The following SNTG1 variants were observed in gnomAD, a reference collection of about 807,000 sequenced individuals.
SNTG1 encodes the protein syntrophin gamma 1, also known as gamma-1-syntrophin.
SNTG1 carries 39 observed loss-of-function variants against 74.7 expected under a neutral mutation model. The ratio of observed to expected loss-of-function variants is 0.52; its 90% confidence interval spans 0.40 to 0.68. The LOEUF (loss-of-function observed/expected upper bound fraction) is 0.68. Among genes scored for constraint, SNTG1 ranks in the 30% least tolerant of loss-of-function variants. The pLI is 0.00. For missense variants in SNTG1, 685 were observed against 609.5 expected (o/e 1.12, Z -1.30); for synonymous variants, 254 against 217.1 (o/e 1.17, Z -1.49).
At chr8:50,133,318 G>A (rs1172299822) in intron 1 of SNTG1, among the ~76,000 whole-genome samples, 1 of 152,034 alleles carries the variant, frequency 6.6e-6, no homozygotes, top group African/African-American at 2.4e-5. Context: ...CACTGTTAAT[G>A]TCCATATTTC....
At position 50,567,586 on chromosome 8, in the gene SNTG1, CTG is replaced by C. The variant is rs2094523226; in HGVS notation, c.810+14409_810+14410del. Among the ~76,000 whole-genome samples, 4 of 151,952 alleles carry C rather than the reference CTG, an allele frequency of 2.6e-5. No homozygotes were observed. In the South Asian group the frequency reaches 8.3e-4, roughly 32 times the overall value. ...AAACTCTATGTATCGGTGGAGTAAA[CTG>C]TTGTTTTTCCCCACCTGACAAGAAT... On this transcript the variant is annotated intron_variant, in intron 12 of 18. Coordinates refer to ENST00000642720, the MANE Select transcript of SNTG1 (RefSeq NM_018967.5).
At chr8:50,659,464 A>T (rs545376139) in intron 15 of SNTG1, among the ~76,000 whole-genome samples, 1 of 152,296 alleles carries the variant, frequency 6.6e-6, no homozygotes, top group African/African-American at 2.4e-5. Context: ...CCCGTTAAAG[A>T]CTTAGCAGAG....
intron 1 of SNTG1, among the ~76,000 whole-genome samples, chr8:50,047,931 T>G (rs181655786): frequency 6.6e-6 from 1 of 152,244 alleles, no homozygotes; most frequent in Admixed American, 6.5e-5. Flanking sequence ...AATTTTAAGT[T>G]TTTTCTGCTT....
chr8:50,460,109 C>T (rs1044075773), intron 8 of SNTG1, among the ~76,000 whole-genome samples: 1 of 152,196 alleles, frequency 6.6e-6, no homozygotes, highest in East Asian at 1.9e-4. Flanking sequence ...AGTGGCTGAA[C>T]TAGTTTACAT....
intron 5 of SNTG1, among the ~76,000 whole-genome samples, chr8:50,441,937 G>A (rs2093361225): frequency 6.6e-6 from 1 of 151,994 alleles, no homozygotes; most frequent in Non-Finnish European, 1.5e-5. Context: ...ACCATTAAAA[G>A]GTAAAGACCA....
At chr8:50,039,468 A>C (rs1818447521) in intron 1 of SNTG1, among the ~76,000 whole-genome samples, 1 of 150,690 alleles carries the variant, frequency 6.6e-6, no homozygotes, top group African/African-American at 2.4e-5. Flanking sequence ...AAAAAAAAAA[A>C]AAAAAAAAAA....
intron 12 of SNTG1, among the ~76,000 whole-genome samples, chr8:50,567,303 GGA>G (rs2094521492): frequency 6.6e-6 from 1 of 151,882 alleles, no homozygotes; most frequent in South Asian, 2.1e-4. Flanking sequence ...CTTTCCTACT[GGA>G]ATACTGAAAT....
chr8:50,182,119 C>G (rs535546315), intron 2 of SNTG1, among the ~76,000 whole-genome samples: 4 of 152,098 alleles, frequency 2.6e-5, no homozygotes, highest in African/African-American at 9.7e-5. Flanking sequence ...AAGATCAATA[C>G]GAAGATCTAT....
At chr8:50,564,736 T>G (rs2094506555) in intron 12 of SNTG1, among the ~76,000 whole-genome samples, 1 of 152,140 alleles carries the variant, frequency 6.6e-6, no homozygotes, top group South Asian at 2.1e-4. Context: ...AATAATTCAT[T>G]AAACACTAAC....
At chr8:50,338,008 C>A (rs1017007945) in intron 2 of SNTG1, among the ~76,000 whole-genome samples, 3 of 151,744 alleles carry the variant, frequency 2.0e-5, no homozygotes, top group Admixed American at 2.0e-4. Context: ...TGGTGGCGGG[C>A]GCCTGTAGTC....
chr8:50,233,931 C>T (rs1409646937), intron 2 of SNTG1, among the ~76,000 whole-genome samples: 1 of 151,660 alleles, frequency 6.6e-6, no homozygotes, highest in African/African-American at 2.4e-5. Flanking sequence ...AAACGGATCG[C>T]TCATATATTT....
chr8:50,722,979 T>C (rs945200933), intron 17 of SNTG1, among the ~76,000 whole-genome samples: 1 of 152,326 alleles, frequency 6.6e-6, no homozygotes, highest in Non-Finnish European at 1.5e-5. Context: ...TTCTATTCTA[T>C]AGTGCATATT....
intron 1 of SNTG1, among the ~76,000 whole-genome samples, chr8:49,996,954 C>T (rs1220016452): frequency 1.3e-5 from 2 of 152,088 alleles, no homozygotes; most frequent in African/African-American, 4.8e-5. Flanking sequence ...ACGATTTGAA[C>T]TTGTTTTATG....
intron 8 of SNTG1, among the ~76,000 whole-genome samples, chr8:50,485,512 G>A (rs1470377616): frequency 6.6e-6 from 1 of 151,708 alleles, no homozygotes. Context: ...CTTTTTGATG[G>A]GGTTGTTTGT....
chr8:49,939,111 C>A (rs1411967300), intron 1 of SNTG1, among the ~76,000 whole-genome samples: 1 of 152,124 alleles, frequency 6.6e-6, no homozygotes, highest in Non-Finnish European at 1.5e-5. Context: ...TTTAGTACTG[C>A]AGACTGTTTT....
At chr8:50,513,714 C>A (rs572280650) in intron 9 of SNTG1, among the ~76,000 whole-genome samples, 5 of 152,218 alleles carry the variant, frequency 3.3e-5, no homozygotes, top group African/African-American at 9.6e-5. Context: ...CCCTCCAAGC[C>A]ATGCGCAGGA....
At chr8:50,067,825 C>T (rs1036868242) in intron 1 of SNTG1, among the ~76,000 whole-genome samples, 10 of 152,158 alleles carry the variant, frequency 6.6e-5, no homozygotes, top group African/African-American at 2.2e-4. Flanking sequence ...TGCACACAGA[C>T]CCCTGTGTCT....
At chr8:50,614,588 G>A (rs1297344037) in intron 13 of SNTG1, among the ~76,000 whole-genome samples, 1 of 152,066 alleles carries the variant, frequency 6.6e-6, no homozygotes, top group Non-Finnish European at 1.5e-5. Flanking sequence ...AATGAGCAAT[G>A]ACCTATGTTG....
chr8:50,311,762 A>G (rs1156549354), intron 2 of SNTG1, among the ~76,000 whole-genome samples: 1 of 152,242 alleles, frequency 6.6e-6, no homozygotes, highest in Non-Finnish European at 1.5e-5. Flanking sequence ...TCTTGAGATT[A>G]TTCTCAAAAA....
Sources: gnomAD v4.1 joint callset for allele counts (sites outside exome capture counted in the v4.1 genomes callset) on GRCh38, gnomAD v4.1.1 for gene constraint, MANE v1.5 for transcripts, NCBI Gene and HGNC (gene_info 2026-07-23, HGNC 2026-07-21) for gene names.